The following ADK variants were observed in gnomAD, a reference collection of about 807,000 sequenced individuals.
ADK encodes the protein adenosine kinase.
In ADK, 24 loss-of-function variants were observed where a neutral mutation model predicts 44.7. The ratio of observed to expected loss-of-function variants is 0.54; its 90% CI spans 0.39 to 0.76. The LOEUF is 0.76. Ranked by LOEUF, ADK falls within the 30% of genes least tolerant of loss-of-function variation. The probability of loss-of-function intolerance (pLI) is 0.00; values close to 1 mark genes in which losing one functional copy is unlikely to be tolerated. For synonymous variants in ADK, 128 were observed against 142.6 expected, an observed-to-expected ratio of 0.90 and a Z score of 0.73; for missense variants, 321 against 425.1, an observed-to-expected ratio of 0.76 and a Z score of 2.15.
chr10:74,570,866 C>A (rs539150701), intron 7 of ADK, among the ~76,000 whole-genome samples: 6,369 of 151,892 alleles, frequency 0.042, 400 homozygotes, highest in African/African-American at 0.13. Context: ...GTCTTGTGCC[C>A]ATTTTCAAAG....
chr10:74,224,938 A>G (rs185643742), intron 3 of ADK, among the ~76,000 whole-genome samples: 154 of 152,376 alleles, frequency 1.0e-3, no homozygotes, highest in African/African-American at 3.6e-3. Flanking sequence ...AGTAAAAAAT[A>G]AAAATAAATT....
intron 3 of ADK, among the ~76,000 whole-genome samples, chr10:74,235,748 C>T (rs1229379276): frequency 2.0e-5 from 3 of 152,072 alleles, no homozygotes; most frequent in Non-Finnish European, 4.4e-5. Flanking sequence ...AATGTTTGTC[C>T]CCTCCAAAAC....
At chr10:74,574,012 A>G (rs1179509664) in intron 7 of ADK, among the ~76,000 whole-genome samples, 2 of 152,004 alleles carry the variant, frequency 1.3e-5, no homozygotes, top group Non-Finnish European at 2.9e-5. Flanking sequence ...CGCTGCACCC[A>G]CTGTCCTGCG....
chr10:74,332,470 C>T (rs957684763), intron 4 of ADK, among the ~76,000 whole-genome samples: 2 of 152,190 alleles, frequency 1.3e-5, no homozygotes, highest in Admixed American at 1.3e-4. Context: ...ACCATCTGGT[C>T]TCTTTGGAGA....
chr10:74,180,544 C>T (rs1261062451), intron 1 of ADK, among the ~76,000 whole-genome samples: 11 of 151,124 alleles, frequency 7.3e-5, no homozygotes, highest in South Asian at 2.1e-4. Flanking sequence ...CTTGAAGCTC[C>T]GCCTCCTGGG....
intron 7 of ADK, among the ~76,000 whole-genome samples, chr10:74,557,046 A>G (rs921738389): frequency 7.9e-5 from 12 of 152,238 alleles, no homozygotes; most frequent in African/African-American, 2.9e-4. Flanking sequence ...ATAAATTTCA[A>G]TGTGAGCTTT....
At chr10:74,483,314 G>A (rs932461969) in intron 6 of ADK, among the ~76,000 whole-genome samples, 2 of 152,306 alleles carry the variant, frequency 1.3e-5, no homozygotes, top group Non-Finnish European at 2.9e-5. Flanking sequence ...TGGCTGGGAC[G>A]CAGGGAGCAG....
chr10:74,563,157 G>A (rs1011768986), intron 7 of ADK, among the ~76,000 whole-genome samples: 1 of 151,996 alleles, frequency 6.6e-6, no homozygotes, highest in Non-Finnish European at 1.5e-5. Context: ...TGAATTCCTG[G>A]GCTAAAGAGG....
chr10:74,405,263 A>G (rs917874106), intron 6 of ADK, among the ~76,000 whole-genome samples: 3 of 152,048 alleles, frequency 2.0e-5, no homozygotes, highest in South Asian at 2.1e-4. Context: ...TACTGCAACT[A>G]TATCAGTTCC....
rs147162062 is a variant in ADK, at chr10:74,438,587, T to C, written c.555+40008T>C. 2.6e-5 allele frequency among the ~76,000 whole-genome samples: 4 copies of C among 152,270 alleles called. No homozygotes were observed. In the East Asian group the frequency reaches 7.7e-4, roughly 29 times the overall value. On this transcript the variant is annotated intron_variant, in intron 6 of 10. Coordinates refer to ENST00000539909, the MANE Select transcript of ADK (RefSeq NM_006721.4). ...AACCAGCATAGTGCCTGGTATTTAT[T>C]GTGCTCAGTATGCATCTGTTGAATA... is the stretch of plus-strand genomic sequence containing the variant.
intron 3 of ADK, among the ~76,000 whole-genome samples, chr10:74,255,913 C>T (rs537719430): frequency 1.3e-5 from 2 of 152,266 alleles, no homozygotes; most frequent in Non-Finnish European, 2.9e-5. Context: ...ACCAGGGACT[C>T]ATATTTGTAA....
At chr10:74,423,931 A>G in intron 6 of ADK, 1 of 214,832 alleles carries the variant, frequency 4.7e-6, no homozygotes. Context: ...AAAGTGGAGG[A>G]CAAGGCTGGA....
At position 74,404,064 on chromosome 10, in the gene ADK, G is replaced by A. The variant is rs11812815; in HGVS notation, c.555+5485G>A. Among the ~76,000 whole-genome samples, 539 of 152,040 alleles carry A rather than the reference G, an allele frequency of 3.5e-3. 6 individuals are homozygous for A. Among genetic ancestry groups the A allele is most frequent in the African/African-American group, 0.012 (503 of 41,460 alleles). On this transcript the variant is annotated intron_variant, in intron 6 of 10. Coordinates refer to ENST00000539909, the MANE Select transcript of ADK (RefSeq NM_006721.4). The stretch of plus-strand genomic sequence containing the variant: ...ATTTTTTGTATTTTTAGTAGAGACG[G>A]GGTTTCACCATGTTAGCCAGGATGG...
At chr10:74,476,163 A>G (rs1284631860) in intron 6 of ADK, among the ~76,000 whole-genome samples, 3 of 152,066 alleles carry the variant, frequency 2.0e-5, no homozygotes, top group Non-Finnish European at 4.4e-5. Flanking sequence ...ACATGTATTT[A>G]CTTATTTATG....
intron 9 of ADK, among the ~76,000 whole-genome samples, chr10:74,651,905 C>G (rs561408312): frequency 5.8e-4 from 89 of 152,208 alleles, no homozygotes; most frequent in African/African-American, 2.1e-3. Flanking sequence ...TATAAAAGAA[C>G]ATATACTGTA....
chr10:74,180,208 T>TTTTATTA (rs1554826124), intron 1 of ADK, among the ~76,000 whole-genome samples: 30 of 96,528 alleles, frequency 3.1e-4, no homozygotes, highest in Middle Eastern at 6.4e-3. Context: ...CTCTTTTCTT[T>TTTTATTA]TTATTATTAT....
At chr10:74,664,067 G>A (rs1348919508) in intron 9 of ADK, among the ~76,000 whole-genome samples, 1 of 152,072 alleles carries the variant, frequency 6.6e-6, no homozygotes, top group Non-Finnish European at 1.5e-5. Context: ...TAAATTTAAG[G>A]TCTGTTTAAA....
intron 7 of ADK, among the ~76,000 whole-genome samples, chr10:74,585,030 C>T (rs2133906610): frequency 6.6e-6 from 1 of 152,256 alleles, no homozygotes; most frequent in East Asian, 1.9e-4. Flanking sequence ...CGCAAACATG[C>T]ACTTGAGTTT....
intron 3 of ADK, among the ~76,000 whole-genome samples, chr10:74,286,229 T>G (rs1006890937): frequency 6.6e-6 from 1 of 152,132 alleles, no homozygotes; most frequent in Non-Finnish European, 1.5e-5. Flanking sequence ...ATTTTTTAAT[T>G]TTTGCAGAAA....
Sources: gnomAD v4.1 joint callset for allele counts (sites outside exome capture counted in the v4.1 genomes callset) on GRCh38, gnomAD v4.1.1 for gene constraint, MANE v1.5 for transcripts, NCBI Gene and HGNC (gene_info 2026-07-23, HGNC 2026-07-21) for gene names.